GSAP: variants seen among roughly 807,000 people sequenced by gnomAD.
GSAP encodes gamma-secretase-activating protein.
A neutral mutation model predicts 131.7 loss-of-function variants in GSAP; 118 were observed. That is an observed-to-expected ratio of 0.90 (90% CI 0.77 to 1.04). The LOEUF is 1.04. Among genes scored for constraint, GSAP ranks in the 50% least tolerant of loss-of-function variants. The pLI is 0.00. For synonymous variants in GSAP, 381 were observed against 363.4 expected, an observed-to-expected ratio of 1.05 and a Z score of -0.55; for missense variants, 1,019 against 1,013.2, an observed-to-expected ratio of 1.01 and a Z score of -0.08.
chr7:77,336,958 AAC>A (rs2150730094), intron 19 of GSAP, among the ~76,000 whole-genome samples: 1 of 152,304 alleles, frequency 6.6e-6, no homozygotes, highest in African/African-American at 2.4e-5. Flanking sequence ...ATAACCAACT[AAC>A]ACTGCTATTG....
rs1796654608 is a variant in GSAP, at chr7:77,375,064, C to G, written c.779G>C (p.Gly260Ala). The change falls in exon 11 of 31, where the codon GGA becomes GCA. Residue 260 changes from glycine to alanine, a missense_variant. Transcript: ENST00000257626. ...CAACCTATGAATAACTTACTTAAATCCTGAGTTGCTTAATGATATGTCCAA... is the reference window on the plus strand; with the variant it reads ...CAACCTATGAATAACTTACTTAAATGCTGAGTTGCTTAATGATATGTCCAA... ...VPLDISLSNS[G>A]FKLVNFGCDY... 6.6e-7 allele frequency: 1 copy of G among 1,517,976 alleles called. No individual in the cohort carries two copies. The highest frequency in any genetic ancestry group is 1.2e-5 in the South Asian group (1 of 85,904). The allele number at this position is 1,517,976 out of a possible 1,614,324, so 94.0% of individuals were successfully genotyped here. A position where few individuals can be genotyped will look rare whatever the true frequency, so the allele number is the denominator to read the frequency against.
At chr7:77,323,360 A>T (rs186994126) in intron 24 of GSAP, among the ~76,000 whole-genome samples, 5 of 152,346 alleles carry the variant, frequency 3.3e-5, no homozygotes, top group Non-Finnish European at 7.3e-5. Context: ...CCAAGATGAG[A>T]TATTAACATT....
chr7:77,316,482 T>C (rs757244256), intron 26 of GSAP, among the ~76,000 whole-genome samples: 5 of 152,190 alleles, frequency 3.3e-5, no homozygotes, highest in Non-Finnish European at 7.3e-5. Flanking sequence ...GCTAACAGGA[T>C]GAGTCCACTA....
chr7:77,378,951 T>C (rs570574228), intron 8 of GSAP, among the ~76,000 whole-genome samples: 3 of 152,254 alleles, frequency 2.0e-5, no homozygotes, highest in South Asian at 2.1e-4. Context: ...CTAATCCTAA[T>C]AGGGATTTCT....
At position 77,328,622 on chromosome 7, in the gene GSAP, T is replaced by C. The variant is rs1200304459; in HGVS notation, c.1749A>G (p.Leu583=). 6.2e-7 allele frequency: 1 copy of C among 1,607,382 alleles called. No individual in the cohort carries two copies. The highest frequency in any genetic ancestry group is 8.5e-7 in the Non-Finnish European group (1 of 1,175,134). ...LDNAVKVISN[L]EARNLGPRLT... is the part of the protein sequence containing the mutation. ...TTTTCTTACCCAAATTTCTTGCTTC[T>C]AGGTTAGAAATCACCCTACGAAGAA... The change falls in exon 22 of 31, where the codon CTA becomes CTG. Residue 583 remains leucine, a synonymous_variant. Coordinates refer to ENST00000257626, the MANE Select transcript of GSAP (RefSeq NM_017439.4).
chr7:77,368,002 G>A (rs2150958278), intron 12 of GSAP, among the ~76,000 whole-genome samples: 1 of 152,286 alleles, frequency 6.6e-6, no homozygotes, highest in African/African-American at 2.4e-5. Flanking sequence ...GGTGTTCTCA[G>A]TAGTTTCTGA....
At chr7:77,341,055 A>T (rs1790832065) in intron 19 of GSAP, among the ~76,000 whole-genome samples, 1 of 152,066 alleles carries the variant, frequency 6.6e-6, no homozygotes, top group South Asian at 2.1e-4. Flanking sequence ...CCCCAATACA[A>T]ACTTGATAAT....
intron 19 of GSAP, among the ~76,000 whole-genome samples, chr7:77,332,689 T>A (rs1022090384): frequency 1.3e-5 from 2 of 152,158 alleles, no homozygotes; most frequent in Admixed American, 6.6e-5. Flanking sequence ...AATTTACACT[T>A]AAGTAAGAAA....
intron 12 of GSAP, among the ~76,000 whole-genome samples, chr7:77,371,563 T>G (rs1357353539): frequency 6.6e-6 from 1 of 151,902 alleles, no homozygotes; most frequent in Non-Finnish European, 1.5e-5. Context: ...GCCTCCTGAG[T>G]AGCTGGGACT....
intron 19 of GSAP, chr7:77,330,573 CTTTTTTTTT>C: frequency 1.3e-6 from 1 of 761,742 alleles, no homozygotes; most frequent in East Asian, 8.8e-5. Context: ...TTTTCTGTCT[CTTTTTTTTT>C]TTTTTTTTTT....
At position 77,329,407 on chromosome 7, in the gene GSAP, C is replaced by T. The variant is rs765202597; in HGVS notation, c.1675-16G>A. 1.6e-5 allele frequency: 25 copies of T among 1,516,244 alleles called. No homozygotes were observed. The highest frequency in any genetic ancestry group is 9.7e-5 in the African/African-American group (7 of 72,408). The allele number at this position is 1,516,244 out of a possible 1,614,324, so 93.9% of individuals were successfully genotyped here. A position where few individuals can be genotyped will look rare whatever the true frequency, so the allele number is the denominator to read the frequency against. On this transcript the variant is annotated splice_polypyrimidine_tract_variant and intron_variant, in intron 20 of 30. Coordinates refer to ENST00000257626, the MANE Select transcript of GSAP (RefSeq NM_017439.4). Reference sequence around the variant, plus strand: ...TTCCTGTTTTCTAGGAGTGAGAACACGTCAGAAATGTGGAAGGTAAAGGTT... The same window carrying T: ...TTCCTGTTTTCTAGGAGTGAGAACATGTCAGAAATGTGGAAGGTAAAGGTT...
In GSAP at chr7:77,363,365, A is replaced by T. The variant is rs1275135985; in HGVS notation, c.872-705T>A. Among the ~76,000 whole-genome samples, 8 of 152,366 alleles carry T rather than the reference A, an allele frequency of 5.3e-5. No homozygotes were observed. In the South Asian group the frequency reaches 1.0e-3, roughly 20 times the overall value. On this transcript the variant is annotated intron_variant, in intron 12 of 30. Transcript: ENST00000257626. ...CTGTATGGACTAATGTCCATCAGTG[A>T]CCTACATACAATTGAGGACAGTATG... is the stretch of plus-strand genomic sequence containing the variant.
At chr7:77,379,250 G>C (rs952738575) in intron 8 of GSAP, among the ~76,000 whole-genome samples, 1 of 151,890 alleles carries the variant, frequency 6.6e-6, no homozygotes, top group Non-Finnish European at 1.5e-5. Flanking sequence ...TCTCTAGATC[G>C]AGTCACCTCA....
At chr7:77,377,258 A>AAAAAAAAAAAAAAAAAT in intron 9 of GSAP, 28 bp downstream of exon 9, 102 of 1,400,396 alleles carry the variant, frequency 7.3e-5, no homozygotes, top group South Asian at 8.8e-5. Context: ...AAAAAAAAAA[A>AAAAAAAAAAAAAAAAAT]GGAGTGCCCG....
intron 9 of GSAP, 107 bp downstream of exon 9, chr7:77,377,179 T>G: frequency 8.5e-7 from 1 of 1,169,786 alleles, no homozygotes. Flanking sequence ...ATCACACCAC[T>G]GCACTCCAGC....
At chr7:77,334,002 CA>C (rs1789560823) in intron 19 of GSAP, among the ~76,000 whole-genome samples, 1 of 152,200 alleles carries the variant, frequency 6.6e-6, no homozygotes, top group South Asian at 2.1e-4. Context: ...TTGTGGAGGA[CA>C]CTATGGCGAT....
intron 19 of GSAP, among the ~76,000 whole-genome samples, chr7:77,347,912 G>A (rs1792148067): frequency 1.3e-5 from 2 of 151,348 alleles, no homozygotes; most frequent in Admixed American, 1.3e-4. Flanking sequence ...AGCACTCTAA[G>A]AGGCTAAGGC....
chr7:77,396,405 C>T (rs981423742), intron 5 of GSAP, among the ~76,000 whole-genome samples: 2 of 152,106 alleles, frequency 1.3e-5, no homozygotes, highest in East Asian at 3.9e-4. Context: ...ATGCCTATAC[C>T]TCTCTTACAC....
At chr7:77,368,428 C>G (rs192595500) in intron 12 of GSAP, among the ~76,000 whole-genome samples, 200 of 152,300 alleles carry the variant, frequency 1.3e-3, no homozygotes, top group Non-Finnish European at 2.4e-3. Flanking sequence ...TGGCTATTGG[C>G]TACCATACTG....
Sources: gnomAD v4.1 joint callset for allele counts (sites outside exome capture counted in the v4.1 genomes callset) on GRCh38, gnomAD v4.1.1 for gene constraint, MANE v1.5 for transcripts, NCBI Gene and HGNC (gene_info 2026-07-23, HGNC 2026-07-21) for gene names.